The following CREB5 variants were observed in gnomAD, a reference collection of about 807,000 sequenced individuals.
The protein encoded by CREB5 is cyclic AMP-responsive element-binding protein 5.
A neutral mutation model predicts 57.1 loss-of-function variants in CREB5; 19 were observed. That is an observed-to-expected ratio of 0.33 (90% confidence interval 0.23 to 0.49). CREB5 has a LOEUF of 0.49. Among genes scored for constraint, CREB5 ranks in the 20% least tolerant of loss-of-function variants. The probability of loss-of-function intolerance (pLI) is 0.99; values close to 1 mark genes in which losing one functional copy is unlikely to be tolerated. For synonymous variants in CREB5, 238 were observed against 238.3 expected (o/e 1.00, Z 0.01); for missense variants, 579 against 671.6 (o/e 0.86, Z 1.52).
chr7:28,311,111 G>C (rs1017719721), intron 1 of CREB5, among the ~76,000 whole-genome samples: 2 of 121,516 alleles, frequency 1.6e-5, no homozygotes, highest in African/African-American at 5.7e-5. Context: ...TGGCTAGCAC[G>C]GTGAAACCCC....
rs1788386402 is a variant in CREB5 at position 28,423,950 on chromosome 7, G to C, written c.3+11033G>C. On this transcript the variant is annotated intron_variant, in intron 1 of 10. Coordinates refer to ENST00000357727, the MANE Select transcript of CREB5 (RefSeq NM_182898.4). Reference sequence around the variant, plus strand: ...GTAGCAAAGTAGCACAAACTCGGGGGCTTAAACAACAGACACTTATTCTCT... The same window carrying C: ...GTAGCAAAGTAGCACAAACTCGGGGCCTTAAACAACAGACACTTATTCTCT... 1.3e-5 allele frequency among the ~76,000 whole-genome samples: 2 copies of C among 152,156 alleles called. 1 individual carries two copies.
At chr7:28,411,576 G>A (rs1027552818), upstream of CREB5, among the ~76,000 whole-genome samples, 1 of 149,848 alleles carries the variant, frequency 6.7e-6, no homozygotes, top group Non-Finnish European at 1.5e-5. Flanking sequence ...GGGTGGGGGC[G>A]TGAGGGAGGT....
intron 4 of CREB5, among the ~76,000 whole-genome samples, chr7:28,564,053 C>T (rs1795386764): frequency 6.8e-6 from 1 of 147,136 alleles, no homozygotes; most frequent in South Asian, 2.1e-4. Flanking sequence ...CTCCAGAAAG[C>T]CTAGTAGCTT....
At chr7:28,782,810 G>C (rs1340176491) in intron 7 of CREB5, among the ~76,000 whole-genome samples, 4 of 152,222 alleles carry the variant, frequency 2.6e-5, no homozygotes, top group Non-Finnish European at 5.9e-5. Context: ...CCAATGGTGA[G>C]GGGAAGAGAG....
At chr7:28,587,340 A>C (rs1479710594) in intron 5 of CREB5, among the ~76,000 whole-genome samples, 2 of 152,182 alleles carry the variant, frequency 1.3e-5, no homozygotes, top group African/African-American at 2.4e-5. Flanking sequence ...TGCAGGGATC[A>C]CACAGTGGAG....
At chr7:28,477,256 T>G (rs1179161556) in intron 1 of CREB5, among the ~76,000 whole-genome samples, 1 of 152,266 alleles carries the variant, frequency 6.6e-6, no homozygotes, top group African/African-American at 2.4e-5. Context: ...AGTGTGGATT[T>G]GGGGGCTGGC....
intron 7 of CREB5, among the ~76,000 whole-genome samples, chr7:28,777,601 CA>C (rs1229396952): frequency 6.6e-6 from 1 of 152,160 alleles, no homozygotes; most frequent in African/African-American, 2.4e-5. Flanking sequence ...AACACCACTG[CA>C]AAACAATCAG....
intron 5 of CREB5, among the ~76,000 whole-genome samples, chr7:28,705,628 G>A (rs1168796748): frequency 6.6e-6 from 1 of 152,178 alleles, no homozygotes; most frequent in Non-Finnish European, 1.5e-5. Context: ...TTATTAAGCT[G>A]TAGGAAGACA....
chr7:28,475,024 T>C (rs1019043898), intron 1 of CREB5, among the ~76,000 whole-genome samples: 1 of 152,184 alleles, frequency 6.6e-6, no homozygotes, highest in African/African-American at 2.4e-5. Context: ...TGTTAGGCTT[T>C]CCACATATAT....
At chr7:28,482,327 G>C (rs1181394223) in intron 1 of CREB5, among the ~76,000 whole-genome samples, 2 of 152,234 alleles carry the variant, frequency 1.3e-5, no homozygotes, top group Admixed American at 6.5e-5. Context: ...TGGTGAATGT[G>C]TGTTGGGTTA....
intron 7 of CREB5, among the ~76,000 whole-genome samples, chr7:28,778,136 G>C (rs1395037208): frequency 6.6e-6 from 1 of 152,156 alleles, no homozygotes; most frequent in Non-Finnish European, 1.5e-5. Context: ...CCTTCCCATG[G>C]AAAGAATTGA....
At chr7:28,451,214 A>G (rs1789784112) in intron 1 of CREB5, among the ~76,000 whole-genome samples, 1 of 152,128 alleles carries the variant, frequency 6.6e-6, no homozygotes, top group Non-Finnish European at 1.5e-5. Flanking sequence ...CTCCTGGAAG[A>G]ACTCCCCCTT....
chr7:28,393,420 T>C (rs1787263734), intron 1 of CREB5, among the ~76,000 whole-genome samples: 1 of 152,190 alleles, frequency 6.6e-6, no homozygotes, highest in African/African-American at 2.4e-5. Flanking sequence ...CTTTTCTTGG[T>C]TACTTTGATA....
intron 1 of CREB5, among the ~76,000 whole-genome samples, chr7:28,476,789 C>T (rs1791085589): frequency 6.6e-6 from 1 of 152,178 alleles, no homozygotes; most frequent in African/African-American, 2.4e-5. Context: ...GAACTGGCAT[C>T]CTATTATGAG....
chr7:28,560,939 T>TGCGC (rs1216801912), intron 4 of CREB5, among the ~76,000 whole-genome samples: 1 of 31,896 alleles, frequency 3.1e-5, no homozygotes, highest in Non-Finnish European at 5.7e-5. Context: ...CGTGTGTGCG[T>TGCGC]GCGTGTGTGT....
chr7:28,314,744 T>TCTTTACTGAGACG (rs1200683165), intron 1 of CREB5, among the ~76,000 whole-genome samples: 1 of 152,184 alleles, frequency 6.6e-6, no homozygotes, highest in Non-Finnish European at 1.5e-5. Context: ...CCCCAGTGTC[T>TCTTTACTGAGACG]CTTTACTGAG....
rs1795213890 is a variant in CREB5 at position 28,560,957 on chromosome 7, TGTGCGTGTGTGTGTGCGTGTGTGC to T, written c.292-9394_292-9371del. 6.9e-5 allele frequency among the ~76,000 whole-genome samples: 3 copies of T among 43,438 alleles called. 1 individual carries two copies. The highest frequency in any genetic ancestry group is 4.4e-5 in the Non-Finnish European group (1 of 22,778). 28.5% of individuals were successfully genotyped at this position (43,438 alleles called of 152,430 possible). A position where few individuals can be genotyped will look rare whatever the true frequency, so the allele number is the denominator to read the frequency against. On this transcript the variant is annotated intron_variant, in intron 4 of 10. Coordinates refer to ENST00000357727, the MANE Select transcript of CREB5 (RefSeq NM_182898.4). ...GTGTGCGTGCGTGTGTGTGCGTGTG[TGTGCGTGTGTGTGTGCGTGTGTGC>T]GTGCGTGTGTGTGCCTGCGTGTGCG...
At chr7:28,648,447 T>C (rs1350183685) in intron 5 of CREB5, among the ~76,000 whole-genome samples, 1 of 152,048 alleles carries the variant, frequency 6.6e-6, no homozygotes, top group Non-Finnish European at 1.5e-5. Flanking sequence ...AGGAAGATGA[T>C]AACTTTGGCC....
chr7:28,720,930 A>C (rs1461211003), intron 6 of CREB5, among the ~76,000 whole-genome samples: 1 of 152,204 alleles, frequency 6.6e-6, no homozygotes, highest in African/African-American at 2.4e-5. Context: ...CCAGAGACAA[A>C]GATGAGACAC....
Sources: gnomAD v4.1 joint callset for allele counts (sites outside exome capture counted in the v4.1 genomes callset) on GRCh38, gnomAD v4.1.1 for gene constraint, MANE v1.5 for transcripts, NCBI Gene and HGNC (gene_info 2026-07-23, HGNC 2026-07-21) for gene names.